The following PRKG1 variants were observed in gnomAD, a reference collection of about 807,000 sequenced individuals.
The protein encoded by PRKG1 is protein kinase cGMP-dependent 1, also known as cGMP-dependent protein kinase 1.
Under a neutral mutation model 88.1 loss-of-function variants are expected in PRKG1, and 35 were observed. The observed-to-expected ratio is 0.40, with a 90% CI of 0.30 to 0.53. The LOEUF is 0.53. Ranked by LOEUF, PRKG1 falls within the 20% of genes least tolerant of loss-of-function variation. The probability of loss-of-function intolerance (pLI) is 0.59; values close to 1 mark genes in which losing one functional copy is unlikely to be tolerated. For missense variants in PRKG1, 540 were observed against 839.8 expected, an observed-to-expected ratio of 0.64 and a Z score of 4.41; for synonymous variants, 303 against 292.5, an observed-to-expected ratio of 1.04 and a Z score of -0.37.
At chr10:51,954,058 A>G (rs902573815) in intron 5 of PRKG1, among the ~76,000 whole-genome samples, 10 of 152,154 alleles carry the variant, frequency 6.6e-5, no homozygotes, top group Non-Finnish European at 1.2e-4. Context: ...CTATTTTTCT[A>G]TCAAGAAGTC....
intron 7 of PRKG1, among the ~76,000 whole-genome samples, chr10:52,096,152 T>C: frequency 6.6e-6 from 1 of 152,198 alleles, no homozygotes; most frequent in East Asian, 1.9e-4. Flanking sequence ...ATACGTTTTG[T>C]ACTCTCTGGT....
At chr10:51,525,758 C>G (rs915361478) in intron 3 of PRKG1, among the ~76,000 whole-genome samples, 1 of 151,712 alleles carries the variant, frequency 6.6e-6, no homozygotes, top group Non-Finnish European at 1.5e-5. Flanking sequence ...AAAATAAACT[C>G]CCATATACCT....
At chr10:51,924,108 A>C (rs1842521579) in intron 5 of PRKG1, among the ~76,000 whole-genome samples, 1 of 152,142 alleles carries the variant, frequency 6.6e-6, no homozygotes, top group Non-Finnish European at 1.5e-5. Flanking sequence ...CAAAGGCATG[A>C]GCCACCACAC....
intron 3 of PRKG1, among the ~76,000 whole-genome samples, chr10:51,510,941 C>T (rs1311022132): frequency 6.8e-5 from 10 of 147,308 alleles, no homozygotes; most frequent in South Asian, 2.1e-4. Flanking sequence ...TTAGTAGAGA[C>T]GGGGTTTTTA....
intron 3 of PRKG1, among the ~76,000 whole-genome samples, chr10:51,581,008 G>T (rs184809608): frequency 2.6e-5 from 4 of 151,934 alleles, no homozygotes; most frequent in East Asian, 3.9e-4. Flanking sequence ...CTGGGTCCAG[G>T]GGGGGGTCAC....
intron 2 of PRKG1, among the ~76,000 whole-genome samples, chr10:51,439,021 AG>A (rs1275277414): frequency 3.3e-5 from 5 of 150,912 alleles, no homozygotes; most frequent in African/African-American, 1.2e-4. Context: ...TTAAAAAAAA[AG>A]AGAAACCAAT....
intron 1 of PRKG1, among the ~76,000 whole-genome samples, chr10:51,104,889 C>T (rs1844792540): frequency 6.6e-6 from 1 of 151,936 alleles, no homozygotes; most frequent in Admixed American, 6.6e-5. Flanking sequence ...GGCACCATAC[C>T]CAGATAATTT....
At chr10:51,001,204 C>G (rs956483195) in intron 1 of PRKG1, among the ~76,000 whole-genome samples, 1 of 152,204 alleles carries the variant, frequency 6.6e-6, no homozygotes, top group Non-Finnish European at 1.5e-5. Context: ...CTGGGGCACC[C>G]ACTTCCATCC....
At position 52,238,712 on chromosome 10, in the gene PRKG1, C is replaced by T. The variant is rs1309266584; in HGVS notation, c.1077-12858C>T. On this transcript the variant is annotated intron_variant, in intron 9 of 17. Transcript: ENST00000373980. ...ATGTGGAGAAATAGGAACACTTTTACACTGTTGGTGGGACTGTAAACTAGT... is the reference window on the plus strand; with the variant it reads ...ATGTGGAGAAATAGGAACACTTTTATACTGTTGGTGGGACTGTAAACTAGT... Among the ~76,000 whole-genome samples, 5 of 148,288 alleles carry T rather than the reference C, an allele frequency of 3.4e-5. No homozygotes were observed. In the East Asian group the frequency reaches 1.1e-3, roughly 33 times the overall value.
At chr10:51,044,545 A>T (rs1412758062) in intron 1 of PRKG1, among the ~76,000 whole-genome samples, 1 of 150,972 alleles carries the variant, frequency 6.6e-6, no homozygotes, top group Non-Finnish European at 1.5e-5. Flanking sequence ...AAGCTTTATC[A>T]TTCAGAGCTT....
At chr10:51,314,068 T>C (rs1445940438) in intron 2 of PRKG1, among the ~76,000 whole-genome samples, 1 of 152,116 alleles carries the variant, frequency 6.6e-6, no homozygotes, top group African/African-American at 2.4e-5. Context: ...GGCAGGCTGG[T>C]CCTCACCTTT....
chr10:51,181,128 C>T (rs1057055823), intron 2 of PRKG1, among the ~76,000 whole-genome samples: 2 of 151,476 alleles, frequency 1.3e-5, no homozygotes, highest in Admixed American at 1.3e-4. Context: ...AATATGGTCT[C>T]ATCCCAACCC....
chr10:51,021,003 T>A (rs1843129092), intron 1 of PRKG1, among the ~76,000 whole-genome samples: 1 of 152,304 alleles, frequency 6.6e-6, no homozygotes, highest in African/African-American at 2.4e-5. Context: ...ACTGTGCCTG[T>A]TGAAATTCGT....
intron 2 of PRKG1, among the ~76,000 whole-genome samples, chr10:51,185,644 A>G (rs1837466210): frequency 6.6e-6 from 1 of 151,926 alleles, no homozygotes; most frequent in Non-Finnish European, 1.5e-5. Flanking sequence ...TTAAAAGTGT[A>G]ATTACACAGT....
chr10:51,452,918 T>A (rs1044143216), intron 2 of PRKG1, among the ~76,000 whole-genome samples: 4 of 152,036 alleles, frequency 2.6e-5, no homozygotes, highest in Non-Finnish European at 5.9e-5. Flanking sequence ...ATCTAACTAT[T>A]TCTACAATTT....
intron 2 of PRKG1, among the ~76,000 whole-genome samples, chr10:51,337,965 A>G (rs953155721): frequency 6.6e-6 from 1 of 152,196 alleles, no homozygotes; most frequent in African/African-American, 2.4e-5. Flanking sequence ...TTCATTGCAG[A>G]ACTATTCACA....
intron 3 of PRKG1, among the ~76,000 whole-genome samples, chr10:51,745,417 TAA>T (rs1381836802): frequency 6.6e-6 from 1 of 152,170 alleles, no homozygotes; most frequent in Non-Finnish European, 1.5e-5. Context: ...ATGATGTTTT[TAA>T]AAGTCAATAT....
chr10:51,121,474 A>G (rs1408219338), intron 1 of PRKG1, among the ~76,000 whole-genome samples: 1 of 152,218 alleles, frequency 6.6e-6, no homozygotes, highest in Non-Finnish European at 1.5e-5. Context: ...AAATAAATAC[A>G]GGAGGGAAGA....
chr10:51,214,272 A>C (rs1233636637), intron 2 of PRKG1, among the ~76,000 whole-genome samples: 1 of 152,204 alleles, frequency 6.6e-6, no homozygotes, highest in African/African-American at 2.4e-5. Flanking sequence ...GAGCACATGA[A>C]AAGGTGTTAC....
Sources: allele counts gnomAD v4.1 joint callset (sites outside exome capture counted in the v4.1 genomes callset), GRCh38; gene constraint gnomAD v4.1.1; transcripts MANE v1.5; gene names NCBI Gene and HGNC (gene_info 2026-07-23, HGNC 2026-07-21).